The following KHDRBS2 variants were observed in gnomAD, a reference collection of about 807,000 sequenced individuals.
KHDRBS2 encodes the protein KH RNA binding domain containing, signal transduction associated 2.
In KHDRBS2, 26 loss-of-function variants were observed where a neutral mutation model predicts 44.3. The ratio of observed to expected loss-of-function variants is 0.59; its 90% CI spans 0.43 to 0.81. KHDRBS2 has a LOEUF of 0.81. Ranked by LOEUF, KHDRBS2 falls within the 40% of genes least tolerant of loss-of-function variation. KHDRBS2 has a pLI of 0.00. For missense variants in KHDRBS2, 476 were observed against 433.1 expected (o/e 1.10, Z -0.88); for synonymous variants, 194 against 151.1 (o/e 1.28, Z -2.08).
rs755321896 is a variant in KHDRBS2, at chr6:61,930,523, T to TAAAAAAAAAAAAAAAAAA, written c.484-29170_484-29153dup. 2.0e-4 allele frequency among the ~76,000 whole-genome samples: 8 copies of TAAAAAAAAAAAAAAAAAA among 39,248 alleles called. 3 individuals are homozygous for TAAAAAAAAAAAAAAAAAA. Among genetic ancestry groups the TAAAAAAAAAAAAAAAAAA allele is most frequent in the African/African-American group, 6.6e-4 (6 of 9,058 alleles). The allele number at this position is 39,248 out of a possible 152,430, so 25.7% of individuals were successfully genotyped here. On this transcript the variant is annotated intron_variant, in intron 4 of 8. Coordinates refer to ENST00000281156, the MANE Select transcript of KHDRBS2 (RefSeq NM_152688.4). ...GTGATAATGGACCCTATACCGCCCC[T>TAAAAAAAAAAAAAAAAAA]AAAAAAAAAAAAAAAAAAAAAAGAA...
intron 6 of KHDRBS2, among the ~76,000 whole-genome samples, chr6:61,811,926 T>C (rs1788190097): frequency 6.6e-6 from 1 of 152,114 alleles, no homozygotes; most frequent in Non-Finnish European, 1.5e-5. Context: ...AAAAGTTGTC[T>C]AGTTTCTAGA....
intron 6 of KHDRBS2, among the ~76,000 whole-genome samples, chr6:61,812,051 T>A (rs1332683861): frequency 1.3e-5 from 2 of 152,060 alleles, no homozygotes; most frequent in African/African-American, 4.8e-5. Flanking sequence ...ATGGAAAAGA[T>A]CTTTGTATCT....
the KHDRBS2 span, among the ~76,000 whole-genome samples, chr6:61,619,445 GT>G: frequency 3.0e-5 from 1 of 33,774 alleles, no homozygotes; most frequent in Non-Finnish European, 9.5e-5. Context: ...ATTTTTGTTT[GT>G]TTGTTTGTTT....
intron 4 of KHDRBS2, among the ~76,000 whole-genome samples, chr6:61,974,493 C>A (rs1227887870): frequency 6.6e-6 from 1 of 152,122 alleles, no homozygotes; most frequent in African/African-American, 2.4e-5. Context: ...ATTTATTTTA[C>A]AATTCTAACC....
chr6:62,198,639 C>T (rs969362358), intron 1 of KHDRBS2, among the ~76,000 whole-genome samples: 15 of 152,210 alleles, frequency 9.9e-5, no homozygotes, highest in African/African-American at 3.4e-4. Context: ...GGATTCACAG[C>T]CGAATTTTAC....
intron 1 of KHDRBS2, among the ~76,000 whole-genome samples, chr6:62,247,128 T>A (rs1232870814): frequency 1.3e-5 from 2 of 151,976 alleles, no homozygotes; most frequent in Non-Finnish European, 2.9e-5. Context: ...CCAGCAGTAT[T>A]AAAGTTAACA....
chr6:61,570,294 T>C, the KHDRBS2 span, among the ~76,000 whole-genome samples: 1 of 151,970 alleles, frequency 6.6e-6, no homozygotes, highest in Admixed American at 6.6e-5. Context: ...GTTTTAGCAA[T>C]AGACTAGAAC....
intron 4 of KHDRBS2, among the ~76,000 whole-genome samples, chr6:61,955,188 T>C (rs115239727): frequency 1.5e-5 from 2 of 133,048 alleles, no homozygotes; most frequent in Admixed American, 7.5e-5. Flanking sequence ...ACACATACGT[T>C]TGTATGTATA....
chr6:61,655,347 T>C, the KHDRBS2 span, among the ~76,000 whole-genome samples: 2 of 151,842 alleles, frequency 1.3e-5, no homozygotes, highest in Non-Finnish European at 2.9e-5. Flanking sequence ...CTCCACCTAC[T>C]AGTTTAAGTG....
chr6:61,826,034 C>T (rs1790806856), intron 6 of KHDRBS2, among the ~76,000 whole-genome samples: 3 of 152,126 alleles, frequency 2.0e-5, no homozygotes, highest in Admixed American at 2.0e-4. Context: ...AACCTGACAA[C>T]ATAGATGTAA....
At chr6:61,923,497 C>T (rs547845441) in intron 4 of KHDRBS2, among the ~76,000 whole-genome samples, 2 of 152,018 alleles carry the variant, frequency 1.3e-5, no homozygotes, top group East Asian at 3.9e-4. Context: ...GGGCTTTATC[C>T]CAGGAATGCA....
At chr6:61,777,141 G>T (rs1782185071) in intron 6 of KHDRBS2, among the ~76,000 whole-genome samples, 1 of 151,906 alleles carries the variant, frequency 6.6e-6, no homozygotes, top group African/African-American at 2.4e-5. Flanking sequence ...ACTGTTGGGG[G>T]GTGGGGGAAG....
Position 61,908,430 on chromosome 6 carries a change from C to G in KHDRBS2, c.484-7059G>C, listed in dbSNP as rs533566494. The stretch of plus-strand genomic sequence containing the variant: ...CGGGCAGATCACAAGGTCAGGAGAT[C>G]GAGACCATCCTGGCTAATACGGTGA... On this transcript the variant is annotated intron_variant, in intron 4 of 8. Coordinates refer to ENST00000281156, the MANE Select transcript of KHDRBS2 (RefSeq NM_152688.4). 3.3e-5 allele frequency among the ~76,000 whole-genome samples: 5 copies of G among 151,790 alleles called. No homozygotes were observed. The South Asian group carries it at 1.0e-3, about 32-fold the overall frequency.
chr6:61,719,283 T>A (rs1429806125), intron 7 of KHDRBS2, among the ~76,000 whole-genome samples: 2 of 152,276 alleles, frequency 1.3e-5, no homozygotes, highest in East Asian at 3.9e-4. Flanking sequence ...TTATTTGCAA[T>A]ATTGCCACTT....
intron 2 of KHDRBS2, among the ~76,000 whole-genome samples, chr6:62,175,647 T>C (rs1449464507): frequency 6.6e-6 from 1 of 151,624 alleles, no homozygotes; most frequent in Non-Finnish European, 1.5e-5. Context: ...AGACAATAGT[T>C]TGCTGGTGAT....
chr6:61,674,558 C>T, the KHDRBS2 span, among the ~76,000 whole-genome samples: 1 of 151,610 alleles, frequency 6.6e-6, no homozygotes, highest in Admixed American at 6.6e-5. Context: ...GTAACTTGTC[C>T]AGCATATATG....
chr6:61,548,665 C>T, the KHDRBS2 span, among the ~76,000 whole-genome samples: 1 of 152,004 alleles, frequency 6.6e-6, no homozygotes, highest in East Asian at 1.9e-4. Flanking sequence ...CTATAACACA[C>T]TGAGGGTCCA....
the KHDRBS2 span, among the ~76,000 whole-genome samples, chr6:61,670,019 GGAAA>G: frequency 1.3e-5 from 2 of 150,746 alleles, no homozygotes; most frequent in African/African-American, 4.9e-5. Flanking sequence ...AGGAAATGAA[GGAAA>G]GAAAGACAAA....
chr6:61,598,508 C>T, the KHDRBS2 span, among the ~76,000 whole-genome samples: 1 of 152,026 alleles, frequency 6.6e-6, no homozygotes, highest in African/African-American at 2.4e-5. Context: ...CCAGTGTGCC[C>T]CATAGACAGA....
Sources: allele counts gnomAD v4.1 joint callset (sites outside exome capture counted in the v4.1 genomes callset), GRCh38; gene constraint gnomAD v4.1.1; transcripts MANE v1.5; gene names NCBI Gene and HGNC (gene_info 2026-07-23, HGNC 2026-07-21).